Variants in FLI1 observed in about 807,000 individuals in gnomAD.
The protein encoded by FLI1 is Friend leukemia integration 1 transcription factor.
FLI1 carries 13 observed loss-of-function variants against 53.1 expected under a neutral mutation model. That is an observed-to-expected ratio of 0.24 (90% CI 0.16 to 0.39). The LOEUF (loss-of-function observed/expected upper bound fraction) is 0.39, where lower values mean the gene tolerates loss of function less well. Ranked by LOEUF, FLI1 falls within the 10% of genes least tolerant of loss-of-function variation. FLI1 has a pLI of 1.00. For synonymous variants in FLI1, 244 were observed against 236.7 expected, an observed-to-expected ratio of 1.03 and a Z score of -0.28; for missense variants, 424 against 600.5, an observed-to-expected ratio of 0.71 and a Z score of 3.07.
chr11:128,760,447 C>A (rs976972267), intron 2 of FLI1, among the ~76,000 whole-genome samples: 1 of 151,836 alleles, frequency 6.6e-6, no homozygotes, highest in East Asian at 1.9e-4. Flanking sequence ...TTCTACGATG[C>A]CTCCTAAATG....
chr11:128,769,963 G>A (rs1941492435), intron 3 of FLI1, among the ~76,000 whole-genome samples: 1 of 152,166 alleles, frequency 6.6e-6, no homozygotes, highest in Non-Finnish European at 1.5e-5. Flanking sequence ...TCACTCAAAT[G>A]GTTTCAAACT....
intron 1 of FLI1, among the ~76,000 whole-genome samples, chr11:128,711,338 G>A (rs1374373781): frequency 6.6e-6 from 1 of 152,170 alleles, no homozygotes; most frequent in African/African-American, 2.4e-5. Context: ...TGTCCACATG[G>A]AGACTAACAC....
At chr11:128,717,820 C>A (rs1188580287) in intron 1 of FLI1, among the ~76,000 whole-genome samples, 1 of 152,228 alleles carries the variant, frequency 6.6e-6, no homozygotes, top group African/African-American at 2.4e-5. Context: ...TCTACTACCT[C>A]TCCTGGACTG....
Position 128,704,243 on chromosome 11 carries a change from G to A in FLI1, c.18+9967G>A, listed in dbSNP as rs541667653. ...ACGTAGATGTTCTATCTGATCCTGT[G>A]TGGCTCTTCTCCCATAATCTCAGGG... is the stretch of plus-strand genomic sequence containing the variant. On this transcript the variant is annotated intron_variant, in intron 1 of 8. Coordinates refer to ENST00000527786, the MANE Select transcript of FLI1 (RefSeq NM_002017.5). 2.6e-5 allele frequency among the ~76,000 whole-genome samples: 4 copies of A among 152,240 alleles called. No homozygotes were observed. In the South Asian group the frequency reaches 8.3e-4, roughly 32 times the overall value.
In FLI1 at chr11:128,699,954, A is replaced by C. The variant is rs192005350; in HGVS notation, c.18+5678A>C. Among the ~76,000 whole-genome samples the C allele has an allele frequency of 2.2e-3, 339 of 152,372 alleles. 2 individuals are homozygous for C. The highest frequency in any genetic ancestry group is 2.0e-3 in the Non-Finnish European group (133 of 68,036). Reference sequence around the variant, plus strand: ...ATTGCATGTCTGTTAGGCAGGGACTAAACTATGTTCTGTGAAGATAGAACC... The same window carrying C: ...ATTGCATGTCTGTTAGGCAGGGACTCAACTATGTTCTGTGAAGATAGAACC... On this transcript the variant is annotated intron_variant, in intron 1 of 8. Coordinates refer to ENST00000527786, the MANE Select transcript of FLI1 (RefSeq NM_002017.5).
At chr11:128,689,499 T>TC (rs960471983), upstream of FLI1, among the ~76,000 whole-genome samples, 93 of 152,172 alleles carry the variant, frequency 6.1e-4, no homozygotes, top group African/African-American at 2.1e-3. Flanking sequence ...CTTCCGCCTG[T>TC]CCCCCGGACG....
chr11:128,771,352 G>T (rs1941548775), intron 3 of FLI1, among the ~76,000 whole-genome samples: 1 of 152,184 alleles, frequency 6.6e-6, no homozygotes, highest in South Asian at 2.1e-4. Flanking sequence ...GGCAGGGCCT[G>T]GGCACTTTAC....
In FLI1 at chr11:128,751,825, G is replaced by GTTT. The variant is rs1234798086; in HGVS notation, c.19-6290_19-6289insTTT. Among the ~76,000 whole-genome samples the GTTT allele has an allele frequency of 1.6e-3, 231 of 140,756 alleles. 4 individuals are homozygous for GTTT. Among genetic ancestry groups the GTTT allele is most frequent in the African/African-American group, 6.1e-3 (222 of 36,470 alleles). 92.3% of individuals were successfully genotyped at this position (140,756 alleles called of 152,430 possible). On this transcript the variant is annotated intron_variant, in intron 1 of 8. Coordinates refer to ENST00000527786, the MANE Select transcript of FLI1 (RefSeq NM_002017.5). The stretch of plus-strand genomic sequence containing the variant: ...TTACAGGCGTGGGTTTTTTTTTTTG[G>GTTT]GTTTGTTTTTTTTTTTTTGTAGAGA...
Position 128,810,887 on chromosome 11 carries a change from T to C in FLI1, c.1258T>C (p.Ser420Pro), listed in dbSNP as rs976558650. The C allele has an allele frequency of 1.9e-6, 3 of 1,613,882 alleles. No homozygotes were observed. In the African/African-American group the frequency reaches 4.0e-5, roughly 22 times the overall value. Residue 420 changes from serine (S) to proline (P), a missense_variant, in exon 9 of 9, where the codon TCA (serine) becomes CCA (proline). Ser to Pro is a moderately conservative substitution (Grantham distance 74). Coordinates refer to ENST00000527786, the MANE Select transcript of FLI1 (RefSeq NM_002017.5). The surrounding 1 kb of genome is among the most constrained non-coding windows in gnomAD (Gnocchi z 6.6). Reference protein sequence around the residue: ...VTSSSFFGAASQYWTSPTGGI... With the variant: ...VTSSSFFGAAPQYWTSPTGGI... ...TTCCTCCAGCTTCTTTGGAGCCGCA[T>C]CACAATACTGGACCTCCCCCACGGG...
chr11:128,761,361 G>C (rs1317893108), intron 2 of FLI1, among the ~76,000 whole-genome samples: 3 of 152,222 alleles, frequency 2.0e-5, no homozygotes, highest in African/African-American at 4.8e-5. Flanking sequence ...ACCCTGCTTA[G>C]AGTGTCTGTC....
At chr11:128,731,801 G>C (rs1235587650) in intron 1 of FLI1, among the ~76,000 whole-genome samples, 1 of 152,098 alleles carries the variant, frequency 6.6e-6, no homozygotes, top group Non-Finnish European at 1.5e-5. Context: ...TCAGGAGTTC[G>C]AGATCAGCCT....
intron 1 of FLI1, among the ~76,000 whole-genome samples, chr11:128,714,827 G>C (rs1325462892): frequency 6.7e-6 from 1 of 149,242 alleles, no homozygotes; most frequent in Non-Finnish European, 1.5e-5. Context: ...TCCTGCCTCA[G>C]CCTTCCGTGT....
chr11:128,745,053 C>A (rs1178326424), intron 1 of FLI1, among the ~76,000 whole-genome samples: 1 of 152,010 alleles, frequency 6.6e-6, no homozygotes, highest in Non-Finnish European at 1.5e-5. Flanking sequence ...GACAGGGAGG[C>A]AATTCTATGC....
intron 1 of FLI1, among the ~76,000 whole-genome samples, chr11:128,751,830 GTT>G (rs1160739913): frequency 2.2e-5 from 3 of 133,544 alleles, no homozygotes; most frequent in Non-Finnish European, 1.6e-5. Flanking sequence ...TTTTGGGTTT[GTT>G]TTTTTTTTTT....
At chr11:128,769,255 C>T (rs771467010) in intron 3 of FLI1, among the ~76,000 whole-genome samples, 11 of 152,254 alleles carry the variant, frequency 7.2e-5, no homozygotes, top group Non-Finnish European at 1.3e-4. Context: ...CAAACTGCCA[C>T]GTGTAGAACT....
rs1441104242 is a variant in FLI1, at chr11:128,812,916, T to A, written c.*1928T>A. On this transcript the variant is annotated 3_prime_UTR_variant, in exon 9 of 9. Transcript: ENST00000527786. The stretch of plus-strand genomic sequence containing the variant: ...TTCACTGTTAGGTAGCTTATTTTCA[T>A]TTTCTCTATTTTACAATGAAAAGAG... 5.7e-6 allele frequency: 1 copy of A among 174,060 alleles called. No individual in the cohort carries two copies. Among genetic ancestry groups the A allele is most frequent in the East Asian group, 9.5e-5 (1 of 10,516 alleles). 10.8% of individuals were successfully genotyped at this position (174,060 alleles called of 1,614,324 possible).
intron 1 of FLI1, among the ~76,000 whole-genome samples, chr11:128,735,404 C>T (rs1188286391): frequency 1.3e-5 from 2 of 152,182 alleles, no homozygotes; most frequent in African/African-American, 2.4e-5. Context: ...TCATGGTTAT[C>T]GCTTATTTGT....
chr11:128,748,876 T>C (rs541178393), intron 1 of FLI1, among the ~76,000 whole-genome samples: 1 of 152,300 alleles, frequency 6.6e-6, no homozygotes, highest in East Asian at 1.9e-4. Flanking sequence ...CTAACTCATA[T>C]TTTAAAAGGT....
At chr11:128,725,507 G>A (rs1027913702) in intron 1 of FLI1, among the ~76,000 whole-genome samples, 32 of 152,178 alleles carry the variant, frequency 2.1e-4, no homozygotes, top group Admixed American at 1.6e-3. Flanking sequence ...TCAAGTGCCC[G>A]CAAATGCCCA....
Sources: allele counts gnomAD v4.1 joint callset (sites outside exome capture counted in the v4.1 genomes callset), GRCh38; gene constraint gnomAD v4.1.1; non-coding constraint Gnocchi (gnomAD v3.1); transcripts MANE v1.5; gene names NCBI Gene and HGNC (gene_info 2026-07-23, HGNC 2026-07-21).